Variants in PIBF1 observed in about 807,000 individuals in gnomAD.
PIBF1 encodes progesterone-induced-blocking factor 1.
A neutral mutation model predicts 112.5 loss-of-function variants in PIBF1; 90 were observed. The ratio of observed to expected loss-of-function variants is 0.80; its 90% CI spans 0.67 to 0.95. The LOEUF (loss-of-function observed/expected upper bound fraction) is 0.95, where lower values mean the gene tolerates loss of function less well. PIBF1 is among the 40% of genes least tolerant of loss of function. PIBF1 has a pLI of 0.00. For missense variants in PIBF1, 915 were observed against 852.3 expected, an observed-to-expected ratio of 1.07 and a Z score of -0.92; for synonymous variants, 301 against 288.6, an observed-to-expected ratio of 1.04 and a Z score of -0.44.
intron 17 of PIBF1, among the ~76,000 whole-genome samples, chr13:73,000,520 G>A (rs1357444637): frequency 6.6e-6 from 1 of 152,196 alleles, no homozygotes; most frequent in South Asian, 2.1e-4. Context: ...GGCTAGGCAG[G>A]TTTTGCTCAG....
chr13:72,816,768 T>A (rs917583920), intron 5 of PIBF1, among the ~76,000 whole-genome samples: 1 of 152,060 alleles, frequency 6.6e-6, no homozygotes, highest in Non-Finnish European at 1.5e-5. Flanking sequence ...AAATTTAGCA[T>A]GTAATAGAAA....
rs569798517 is a variant in PIBF1 at position 72,797,279 on chromosome 13, T to C, written c.553-628T>C. ...TATTTATTGAGTGCTTATCATATAT[T>C]TAGGCATTGGAAATACAGCGGTGTA... On this transcript the variant is annotated intron_variant, in intron 4 of 17. Coordinates refer to ENST00000326291, the MANE Select transcript of PIBF1 (RefSeq NM_006346.4). Among the ~76,000 whole-genome samples the C allele has an allele frequency of 2.0e-5, 3 of 152,284 alleles. No homozygotes were observed. The South Asian group carries it at 6.2e-4, about 32-fold the overall frequency.
intron 12 of PIBF1, among the ~76,000 whole-genome samples, chr13:72,909,095 A>G (rs949581491): frequency 2.3e-4 from 35 of 152,192 alleles, no homozygotes; most frequent in African/African-American, 7.7e-4. Context: ...ATTTTCTTAA[A>G]ATATAATTGG....
intron 15 of PIBF1, among the ~76,000 whole-genome samples, chr13:72,966,941 C>CTTT (rs547336254): frequency 2.8e-5 from 4 of 144,244 alleles, no homozygotes; most frequent in African/African-American, 7.6e-5. Flanking sequence ...AATTTTGAAT[C>CTTT]TTTTTTTTTT....
At chr13:72,957,247 A>T (rs550090304) in intron 14 of PIBF1, among the ~76,000 whole-genome samples, 1 of 152,334 alleles carries the variant, frequency 6.6e-6, no homozygotes, top group East Asian at 1.9e-4. Flanking sequence ...CAATTGCAAA[A>T]ATATGGAACC....
At chr13:72,935,874 A>G (rs865809138) in intron 14 of PIBF1, among the ~76,000 whole-genome samples, 5 of 151,940 alleles carry the variant, frequency 3.3e-5, no homozygotes, top group African/African-American at 9.7e-5. Context: ...CTGTTTTATC[A>G]GGTTGTTTGT....
intron 14 of PIBF1, among the ~76,000 whole-genome samples, chr13:72,946,545 A>G (rs573234448): frequency 2.0e-5 from 3 of 152,308 alleles, no homozygotes; most frequent in Admixed American, 1.3e-4. Flanking sequence ...CCAAAAGTCC[A>G]AGGCCAAAGT....
chr13:72,794,547 G>T lies in PIBF1; in HGVS notation c.354-812G>T, dbSNP rs550034483. Among the ~76,000 whole-genome samples, 5 of 152,286 alleles carry T rather than the reference G, an allele frequency of 3.3e-5. No homozygotes were observed. The South Asian group carries it at 1.0e-3, about 32-fold the overall frequency. Reference sequence around the variant, plus strand: ...TTCCTACATGTCATGGGAGGGACCTGATGGGAGGTAACTGAATCATGGAGG... The same window carrying T: ...TTCCTACATGTCATGGGAGGGACCTTATGGGAGGTAACTGAATCATGGAGG... On this transcript the variant is annotated intron_variant, in intron 3 of 17. Transcript: ENST00000326291.
At chr13:72,973,059 T>C (rs1166527414) in intron 15 of PIBF1, among the ~76,000 whole-genome samples, 1 of 152,338 alleles carries the variant, frequency 6.6e-6, no homozygotes, top group South Asian at 2.1e-4. Context: ...ATGCCTATAC[T>C]AGGCAGGAAA....
At chr13:72,798,739 A>G (rs969318584) in intron 5 of PIBF1, among the ~76,000 whole-genome samples, 1 of 152,206 alleles carries the variant, frequency 6.6e-6, no homozygotes, top group African/African-American at 2.4e-5. Flanking sequence ...GATTCATTCT[A>G]CCATGTAACA....
intron 6 of PIBF1, among the ~76,000 whole-genome samples, chr13:72,824,107 A>G (rs981873924): frequency 4.0e-5 from 6 of 151,890 alleles, no homozygotes; most frequent in African/African-American, 1.5e-4. Context: ...TCTGCCTCCC[A>G]GGTTCAAACA....
At chr13:72,915,963 T>C (rs2041077731) in intron 12 of PIBF1, among the ~76,000 whole-genome samples, 1 of 152,206 alleles carries the variant, frequency 6.6e-6, no homozygotes, top group Non-Finnish European at 1.5e-5. Context: ...TTTTTAACAT[T>C]AAAATAATGG....
At chr13:72,995,319 T>G (rs1269621842) in intron 16 of PIBF1, among the ~76,000 whole-genome samples, 1 of 147,164 alleles carries the variant, frequency 6.8e-6, no homozygotes, top group African/African-American at 2.5e-5. Context: ...AAAAAAAAAG[T>G]TCTTTCTAAT....
intron 14 of PIBF1, among the ~76,000 whole-genome samples, chr13:72,944,874 C>G (rs1284209581): frequency 2.0e-5 from 3 of 152,086 alleles, no homozygotes; most frequent in Non-Finnish European, 4.4e-5. Context: ...TCAAGCGATT[C>G]TCCTGCCTCA....
At chr13:72,961,131 G>C (rs1386757839) in intron 14 of PIBF1, among the ~76,000 whole-genome samples, 1 of 149,326 alleles carries the variant, frequency 6.7e-6, no homozygotes, top group Non-Finnish European at 1.5e-5. Flanking sequence ...ATGAATAAAT[G>C]CTTTTACAGA....
intron 9 of PIBF1, chr13:72,835,972 G>C: frequency 3.2e-6 from 1 of 307,878 alleles, no homozygotes; most frequent in East Asian, 9.1e-5. Flanking sequence ...GGTGGCGGGC[G>C]CCTGTAATCC....
intron 10 of PIBF1, chr13:72,881,157 C>T (rs2039613627): frequency 6.6e-6 from 1 of 151,084 alleles, no homozygotes; most frequent in South Asian, 2.1e-4. Context: ...GTGCAGGAAC[C>T]ATGCTAATTT....
intron 16 of PIBF1, among the ~76,000 whole-genome samples, chr13:72,997,478 A>ATT (rs2043716388): frequency 2.6e-5 from 4 of 152,262 alleles, no homozygotes; most frequent in Admixed American, 2.6e-4. Context: ...TACTGCAGAA[A>ATT]GGAGAAAGGA....
At chr13:72,849,496 A>G (rs1181775804) in intron 9 of PIBF1, among the ~76,000 whole-genome samples, 1 of 152,220 alleles carries the variant, frequency 6.6e-6, no homozygotes, top group African/African-American at 2.4e-5. Context: ...TACTTATTAT[A>G]TGAAAGTTAT....
Sources: allele counts gnomAD v4.1 joint callset (sites outside exome capture counted in the v4.1 genomes callset), GRCh38; gene constraint gnomAD v4.1.1; transcripts MANE v1.5; gene names NCBI Gene and HGNC (gene_info 2026-07-23, HGNC 2026-07-21).